The following KLHL13 variants were observed in gnomAD, a reference collection of about 807,000 sequenced individuals.
KLHL13 encodes kelch like family member 13, also known as kelch-like protein 13.
Under a neutral mutation model 37.1 loss-of-function variants are expected in KLHL13, and 10 were observed. The ratio of observed to expected loss-of-function variants is 0.27; its 90% confidence interval spans 0.17 to 0.46. The LOEUF (loss-of-function observed/expected upper bound fraction) is 0.46, where lower values mean the gene tolerates loss of function less well. KLHL13 is among the 20% of genes least tolerant of loss of function. The pLI is 1.00. For synonymous variants in KLHL13, 163 were observed against 181.2 expected (o/e 0.90, Z 0.81); for missense variants, 360 against 509.3 (o/e 0.71, Z 2.82).
chrX:118,047,170 T>C (rs2054569670), intron 1 of KLHL13, among the ~76,000 whole-genome samples: 1 of 111,198 alleles, frequency 9.0e-6, no homozygotes, highest in Non-Finnish European at 1.9e-5. Context: ...TATCCACTAT[T>C]TCACTTGTTG....
At chrX:117,927,068 G>C (rs1397893730) in intron 2 of KLHL13, among the ~76,000 whole-genome samples, 2 of 108,051 alleles carry the variant, frequency 1.9e-5, no homozygotes, top group Non-Finnish European at 3.8e-5. Context: ...GCCACGCCCG[G>C]CTAATTTGTA....
chrX:117,966,154 C>T (rs781325856), intron 1 of KLHL13, among the ~76,000 whole-genome samples: 1 of 111,792 alleles, frequency 8.9e-6, no homozygotes, highest in African/African-American at 3.3e-5. Flanking sequence ...ATCTAGAAAA[C>T]CCCATTGTCT....
chrX:117,914,112 C>G (rs1188275128), intron 4 of KLHL13: 2 of 110,730 alleles, frequency 1.8e-5, no homozygotes, highest in African/African-American at 3.3e-5. Flanking sequence ...ACCCAAAACA[C>G]TGTCATTAAC....
Position 117,947,665 on chromosome X carries a change from G to A in KLHL13, c.99-2090C>T, listed in dbSNP as rs754714451. 6 of 112,075 alleles carry A rather than the reference G, an allele frequency of 5.4e-5. No individual in the cohort carries two copies. In the East Asian group the frequency reaches 1.7e-3, roughly 31 times the overall value. 9.2% of individuals were successfully genotyped at this position (112,075 alleles called of 1,213,427 possible). A position where few individuals can be genotyped will look rare whatever the true frequency, so the allele number is the denominator to read the frequency against. On this transcript the variant is annotated intron_variant, in intron 1 of 6. Transcript: ENST00000262820. ...TTACTTCAAAAGCTGAAGAAGCCTGGACTAAAATTATCTTTTTCATGATGT... is the reference window on the plus strand; with the variant it reads ...TTACTTCAAAAGCTGAAGAAGCCTGAACTAAAATTATCTTTTTCATGATGT...
chrX:118,096,240 A>T (rs970019315), intron 1 of KLHL13, among the ~76,000 whole-genome samples: 3 of 111,663 alleles, frequency 2.7e-5, no homozygotes, highest in Middle Eastern at 4.6e-3. Flanking sequence ...AAAATGACAA[A>T]GGGGGTATCA....
At chrX:118,106,761 C>G (rs892112477) in intron 1 of KLHL13, among the ~76,000 whole-genome samples, 1 of 111,933 alleles carries the variant, frequency 8.9e-6, no homozygotes, top group African/African-American at 3.2e-5. Context: ...AAGGTAGATT[C>G]ATGTACTCTC....
At position 117,937,698 on chromosome X, in the gene KLHL13, T is replaced by C. The variant is rs73595651; in HGVS notation, c.240+7736A>G. On this transcript the variant is annotated intron_variant, in intron 2 of 6. Coordinates refer to ENST00000262820, the Ensembl canonical transcript of KLHL13. ...ATTTTTCTACTGATAAAAAGGATTA[T>C]ACAATACATATTGCCTTGTTACATT... Among the ~76,000 whole-genome samples the C allele has an allele frequency of 5.9e-3, 660 of 112,158 alleles. 9 individuals carry two copies. Among genetic ancestry groups the C allele is most frequent in the African/African-American group, 0.02 (624 of 30,910 alleles).
chrX:117,989,246 T>C lies in KLHL13; in HGVS notation c.-55-43671A>G, dbSNP rs189016525. On this transcript the variant is annotated intron_variant, in intron 1 of 6. Transcript: ENST00000371882. ...AGTTTCATTTTCATTTTCAACCTGATCCTGAGGTAGGCAATGCAGGCATTA... is the reference window on the plus strand; with the variant it reads ...AGTTTCATTTTCATTTTCAACCTGACCCTGAGGTAGGCAATGCAGGCATTA... 1.5e-4 allele frequency among the ~76,000 whole-genome samples: 17 copies of C among 111,067 alleles called. 1 individual carries two copies. Among genetic ancestry groups the C allele is most frequent in the African/African-American group, 5.2e-4 (16 of 30,663 alleles).
intron 1 of KLHL13, among the ~76,000 whole-genome samples, chrX:118,031,768 C>T (rs751059831): frequency 9.4e-6 from 1 of 106,766 alleles, no homozygotes; most frequent in South Asian, 4.0e-4. Context: ...CAGCTCCGGT[C>T]TACAGCTCCC....
intron 1 of KLHL13, among the ~76,000 whole-genome samples, chrX:117,951,877 C>T (rs894375982): frequency 1.8e-5 from 2 of 111,769 alleles, no homozygotes. Flanking sequence ...AGGACAACTA[C>T]AAACCACTGC....
At chrX:117,964,847 T>C (rs1331157149) in intron 1 of KLHL13, among the ~76,000 whole-genome samples, 2 of 111,149 alleles carry the variant, frequency 1.8e-5, no homozygotes, top group Admixed American at 9.5e-5. Flanking sequence ...GTTTGGTTTT[T>C]GGTCCTTGTG....
chrX:117,951,118 T>C lies in KLHL13; in HGVS notation c.99-5543A>G, dbSNP rs72607604. ...CACTTCCCAAACAAAAGCTGAATGA[T>C]ACCACAAACGTTTGAGTGTACACAT... On this transcript the variant is annotated intron_variant, in intron 1 of 6. Transcript: ENST00000262820. 5.7e-3 allele frequency among the ~76,000 whole-genome samples: 637 copies of C among 112,039 alleles called. 13 individuals are homozygous for C. In the East Asian group the frequency reaches 0.072, roughly 13 times the overall value.
At chrX:117,963,336 C>A in intron 1 of KLHL13, among the ~76,000 whole-genome samples, 1 of 111,614 alleles carries the variant, frequency 9.0e-6, no homozygotes, top group African/African-American at 3.3e-5. Context: ...AGTTTGAGAT[C>A]AAATTATTAC....
chrX:118,002,436 A>T (rs1025790943), intron 1 of KLHL13, among the ~76,000 whole-genome samples: 4 of 108,869 alleles, frequency 3.7e-5, no homozygotes, highest in African/African-American at 1.3e-4. Flanking sequence ...TCTACTAAAA[A>T]TACAAAATTA....
At position 117,945,475 on chromosome X, in the gene KLHL13, G is replaced by A. The variant is rs765308453; in HGVS notation, c.199C>T (p.Arg67Cys). Residue 67 changes from arginine (R) to cysteine (C), a missense_variant, in exon 2 of 7, where the codon CGC becomes TGC. Transcript: ENST00000262820. ...CTGTGGGTATTGCTGGTAAAGATGC[G>A]TGTAGGTCCTGCCTTGGAAGACTGC... is the stretch of plus-strand genomic sequence containing the variant. The A allele has an allele frequency of 1.5e-5, 18 of 1,210,345 alleles. No homozygotes were observed. The highest frequency in any genetic ancestry group is 3.0e-5 in the East Asian group (1 of 33,793).
intron 1 of KLHL13, among the ~76,000 whole-genome samples, chrX:118,085,796 GGTGTGTGTGTGT>G (rs4025518): frequency 0.011 from 915 of 85,600 alleles, 4 homozygotes; most frequent in Middle Eastern, 0.018. Flanking sequence ...AATATTCCAT[GGTGTGTGTGTGT>G]GTGTGTGTGT....
intron 1 of KLHL13, among the ~76,000 whole-genome samples, chrX:118,017,916 C>T (rs1359084570): frequency 2.7e-5 from 3 of 111,517 alleles, no homozygotes; most frequent in East Asian, 5.6e-4. Context: ...CAGAGCATTA[C>T]AGAAATGCTA....
At chrX:117,967,206 A>G (rs1159225756) in intron 1 of KLHL13, among the ~76,000 whole-genome samples, 4 of 111,731 alleles carry the variant, frequency 3.6e-5, no homozygotes, top group Admixed American at 2.9e-4. Flanking sequence ...TCTAAAATGA[A>G]TTACTCAGTA....
At chrX:117,989,679 T>C (rs939509900) in intron 1 of KLHL13, among the ~76,000 whole-genome samples, 2 of 111,190 alleles carry the variant, frequency 1.8e-5, no homozygotes, top group African/African-American at 3.3e-5. Context: ...ATTTCAAATA[T>C]GTCATACTCC....
Sources: gnomAD v4.1 joint callset for allele counts (sites outside exome capture counted in the v4.1 genomes callset) on GRCh38, gnomAD v4.1.1 for gene constraint, MANE v1.5 for transcripts, NCBI Gene and HGNC (gene_info 2026-07-23, HGNC 2026-07-21) for gene names.